The following SH3BP1 variants were observed in gnomAD, a reference collection of about 807,000 sequenced individuals.
The protein encoded by SH3BP1 is SH3 domain binding protein 1.
A neutral mutation model predicts 69.8 loss-of-function variants in SH3BP1; 46 were observed. The observed-to-expected ratio is 0.66, with a 90% confidence interval of 0.52 to 0.84. The LOEUF is 0.84. Among genes scored for constraint, SH3BP1 ranks in the 40% least tolerant of loss-of-function variants. The pLI is 0.00. For missense variants in SH3BP1, 868 were observed against 930.9 expected (o/e 0.93, Z 0.88); for synonymous variants, 403 against 378.0 (o/e 1.07, Z -0.77).
chr22:37,645,315 C>A, intron 9 of SH3BP1, 50 bp from the exon 10 acceptor site: 1 of 1,566,630 alleles, frequency 6.4e-7, no homozygotes, highest in Non-Finnish European at 8.7e-7. Context: ...CCCTGCCTGA[C>A]TGCTCGGGGT....
intron 16 of SH3BP1, 104 bp downstream of exon 16, chr22:37,650,829 A>T: frequency 7.1e-7 from 1 of 1,413,132 alleles, no homozygotes; most frequent in Non-Finnish European, 9.5e-7. Flanking sequence ...AAATGTAATT[A>T]TTAGTGTTTT....
chr22:37,641,098 T>TACC, intron 1 of SH3BP1, 28 bp from the exon 2 acceptor site: 1 of 946,798 alleles, frequency 1.1e-6, no homozygotes, highest in Non-Finnish European at 1.6e-6. Context: ...AGAAGCACTC[T>TACC]CCCCCCCCCC....
intron 10 of SH3BP1, among the ~76,000 whole-genome samples, chr22:37,645,989 T>C (rs1051215852): frequency 6.9e-6 from 1 of 145,928 alleles, no homozygotes; most frequent in Non-Finnish European, 1.5e-5. Flanking sequence ...TTTTGAGATA[T>C]GGAGTGTTGC....
intron 4 of SH3BP1, 108 bp downstream of exon 4, chr22:37,642,723 G>C: frequency 6.2e-7 from 1 of 1,606,190 alleles, no homozygotes; most frequent in South Asian, 1.1e-5. Context: ...TGACCAGGCT[G>C]GGGACAGTTC....
intron 13 of SH3BP1, 51 bp downstream of exon 13, chr22:37,647,572 A>G (rs12165814): frequency 0.088 from 129,794 of 1,474,668 alleles, 7,961 homozygotes; most frequent in African/African-American, 0.3. Flanking sequence ...AGCCCAGCTG[A>G]GGTCACGGAC....
At position 37,642,415 on chromosome 22, in the gene SH3BP1, C is replaced by T. The variant is rs1292657955; in HGVS notation, c.208-124C>T. The T allele has an allele frequency of 1.3e-5, 11 of 832,844 alleles. No homozygotes were observed. In the East Asian group the frequency reaches 2.6e-4, roughly 20 times the overall value. The allele number at this position is 832,844 out of a possible 1,614,324, so 51.6% of individuals were successfully genotyped here. On this transcript the variant is annotated intron_variant, in intron 3 of 17. Coordinates refer to ENST00000649765, the MANE Select transcript of SH3BP1 (RefSeq NM_018957.6). ...CCACCACGCCTTGTCATCTTGTTTC[C>T]ACTCTCATCTGGGACTGTGGCCCTC...
chr22:37,649,739 G>A (rs577714046), intron 14 of SH3BP1: 7 of 255,456 alleles, frequency 2.7e-5, no homozygotes, highest in Admixed American at 2.4e-4. Flanking sequence ...AGCCAAGATC[G>A]GGCCACTGCA....
At chr22:37,642,078 G>A in intron 3 of SH3BP1, 1 of 185,020 alleles carries the variant, frequency 5.4e-6, no homozygotes, top group African/African-American at 2.3e-5. Flanking sequence ...GTGGGAGTGT[G>A]GGGCCATGTT....
At chr22:37,641,578 T>G in intron 3 of SH3BP1, 100 bp downstream of exon 3, 2 of 1,009,186 alleles carry the variant, frequency 2.0e-6, no homozygotes, top group Middle Eastern at 6.5e-4. Flanking sequence ...TCTGAGTGTC[T>G]GGCACCAAGG....
At position 37,644,706 on chromosome 22, in the gene SH3BP1, G is replaced by A. The variant is rs1359873816; in HGVS notation, c.687+1G>A. ...CTCCTATGCCAACTACTTCATTCGT[G>A]TGAGTCCAAGACCGGGCCCCAGCCA... On this transcript the variant is annotated splice_donor_variant, in intron 8 of 17. Coordinates refer to ENST00000649765, the MANE Select transcript of SH3BP1 (RefSeq NM_018957.6). LOFTEE classifies it high-confidence loss of function. 1 of 1,614,112 alleles carries A rather than the reference G, an allele frequency of 6.2e-7. No individual in the cohort carries two copies. Among genetic ancestry groups the A allele is most frequent in the African/African-American group, 1.3e-5 (1 of 74,944 alleles).
intron 10 of SH3BP1, among the ~76,000 whole-genome samples, chr22:37,646,010 A>G (rs935196730): frequency 1.6e-4 from 21 of 131,364 alleles, no homozygotes; most frequent in Admixed American, 3.5e-4. Context: ...TCTGTTACCC[A>G]GGCTGGAGTG....
chr22:37,640,119 C>T (rs1932529870), intron 1 of SH3BP1, among the ~76,000 whole-genome samples: 1 of 152,190 alleles, frequency 6.6e-6, no homozygotes, highest in Non-Finnish European at 1.5e-5. Context: ...TGCCCTAGGA[C>T]GCTGGGACTT....
In SH3BP1 at chr22:37,643,305, C is replaced by T. The variant is rs117732653; in HGVS notation, c.473+131C>T. On this transcript the variant is annotated intron_variant, in intron 6 of 17. Transcript: ENST00000649765. ...TGAGTACAGTGTGTGTACTTGTGCA[C>T]GCCTGGTCCCTAGGAGCACAGGTGG... is the stretch of plus-strand genomic sequence containing the variant. 3.2e-4 allele frequency: 259 copies of T among 812,160 alleles called. No homozygotes were observed. In the East Asian group the frequency reaches 4.3e-3, roughly 14 times the overall value. The allele number at this position is 812,160 out of a possible 1,614,324, so 50.3% of individuals were successfully genotyped here.
chr22:37,655,384 C>T lies in SH3BP1; in HGVS notation c.1806C>T (p.Pro602=). Residue 602 remains proline, a synonymous_variant, in exon 18 of 18, where the codon CCC becomes CCT. Transcript: ENST00000649765. ...LPPGSGSPGT[P]QALPRRLVGS... is the part of the protein sequence containing the mutation. ...CTGGCTCTGGCAGCCCTGGGACCCC[C>T]CAAGCCCTGCCCCGACGTCTGGTTG... 6.8e-7 allele frequency: 1 copy of T among 1,468,778 alleles called. No homozygotes were observed. The highest frequency in any genetic ancestry group is 9.1e-7 in the Non-Finnish European group (1 of 1,096,552). 91.0% of individuals were successfully genotyped at this position (1,468,778 alleles called of 1,614,324 possible).
chr22:37,643,247 C>T, intron 6 of SH3BP1, 73 bp downstream of exon 6: 3 of 1,303,456 alleles, frequency 2.3e-6, no homozygotes, highest in Non-Finnish European at 3.3e-6. Flanking sequence ...CTTTGAGGCC[C>T]TGGCCACACC....
rs757495814 is a variant in SH3BP1 at position 37,643,698 on chromosome 22, G to A, written c.528G>A (p.Pro176=). Residue 176 remains proline (P), a synonymous_variant, in exon 7 of 18, where the codon CCG becomes CCA. Transcript: ENST00000649765. ...GCAGTCAAGGCCTAGGAGGCAGCCC[G>A]GGTAGTCACAGCCATACGACCATGG... ...SGSSQGLGGS[P]GSHSHTTMAN... The A allele has an allele frequency of 1.5e-5, 24 of 1,614,000 alleles. No homozygotes were observed. The African/African-American group carries it at 2.1e-4, about 14-fold the overall frequency.
rs114686391 is a variant in SH3BP1 at position 37,641,367 on chromosome 22, T to C, written c.103-7T>C. Reference sequence around the variant, plus strand: ...CTTGATCCTTAACCTCCATACCTCCTTCCCAGGTAGAACAGCGGCTGGAGC... The same window carrying C: ...CTTGATCCTTAACCTCCATACCTCCCTCCCAGGTAGAACAGCGGCTGGAGC... On this transcript the variant is annotated splice_polypyrimidine_tract_variant and splice_region_variant and intron_variant, in intron 2 of 17. Transcript: ENST00000649765. 5,725 of 1,551,126 alleles carry C rather than the reference T, an allele frequency of 3.7e-3. 213 individuals are homozygous for C. The African/African-American group carries it at 0.071, about 19-fold the overall frequency.
chr22:37,652,041 C>T (rs531947015), intron 16 of SH3BP1, among the ~76,000 whole-genome samples: 272 of 152,202 alleles, frequency 1.8e-3, no homozygotes, highest in African/African-American at 6.3e-3. Flanking sequence ...ATAAAGATCA[C>T]GTGGCCCGGC....
At chr22:37,643,931 T>G in intron 7 of SH3BP1, 143 bp downstream of exon 7, 1 of 861,160 alleles carries the variant, frequency 1.2e-6, no homozygotes, top group Non-Finnish European at 1.8e-6. Flanking sequence ...AGCTCCGCCA[T>G]TCCCTCGTAG....
Sources: allele counts gnomAD v4.1 joint callset (sites outside exome capture counted in the v4.1 genomes callset), GRCh38; gene constraint gnomAD v4.1.1; transcripts MANE v1.5; gene names NCBI Gene and HGNC (gene_info 2026-07-23, HGNC 2026-07-21).